Variants in SORT1 observed in about 807,000 individuals in gnomAD.
The protein encoded by SORT1 is sortilin.
A neutral mutation model predicts 101.7 loss-of-function variants in SORT1; 39 were observed. That is an observed-to-expected ratio of 0.38 (90% CI 0.30 to 0.50). The LOEUF is 0.50. SORT1 is among the 20% of genes least tolerant of loss of function. SORT1 has a pLI of 0.90. For synonymous variants in SORT1, 396 were observed against 393.7 expected (o/e 1.01, Z -0.07); for missense variants, 878 against 1,040.4 (o/e 0.84, Z 2.15).
chr1:109,350,734 C>G, intron 6 of SORT1, among the ~76,000 whole-genome samples, 195 bp downstream of exon 6: 1 of 152,194 alleles, frequency 6.6e-6, no homozygotes, highest in South Asian at 2.1e-4. Flanking sequence ...TTAAGTGAGA[C>G]TAAGTCTTCT....
At chr1:109,397,441 C>T (rs1229747698) in intron 1 of SORT1, 146 bp downstream of exon 1, 45 of 448,760 alleles carry the variant, frequency 1.0e-4, no homozygotes, top group Non-Finnish European at 1.3e-4. Context: ...GCCCGCCCGC[C>T]CGCCGCAGTT....
chr1:109,356,253 C>T (rs1353579454), intron 3 of SORT1, among the ~76,000 whole-genome samples: 1 of 152,184 alleles, frequency 6.6e-6, no homozygotes, highest in Non-Finnish European at 1.5e-5. Context: ...TGTTGCCAAA[C>T]ATCCTACAAG....
At chr1:109,350,850 A>G in intron 6 of SORT1, 79 bp downstream of exon 6, 2 of 949,210 alleles carry the variant, frequency 2.1e-6, no homozygotes, top group African/African-American at 1.6e-5. Flanking sequence ...TAAGTGCTCA[A>G]TATTTATTCA....
intron 1 of SORT1, among the ~76,000 whole-genome samples, chr1:109,389,020 C>A (rs572826858): frequency 6.6e-6 from 1 of 152,354 alleles, no homozygotes; most frequent in African/African-American, 2.4e-5. Context: ...CCACCCAAGC[C>A]TGTCATCCAA....
In SORT1 at chr1:109,376,065, G is replaced by A. The variant is rs191827647; in HGVS notation, c.307-6476C>T. Among the ~76,000 whole-genome samples, 6 of 152,288 alleles carry A rather than the reference G, an allele frequency of 3.9e-5. No individual in the cohort carries two copies. The East Asian group carries it at 7.7e-4, about 20-fold the overall frequency. On this transcript the variant is annotated intron_variant, in intron 1 of 19. Transcript: ENST00000256637. Reference sequence around the variant, plus strand: ...GATTTCTCAAAGAACTTAAAGGGCCGGGCGTGGTGGCTCACGCTTGTAATC... The same window carrying A: ...GATTTCTCAAAGAACTTAAAGGGCCAGGCGTGGTGGCTCACGCTTGTAATC...
chr1:109,367,695 A>C (rs1436791604), intron 2 of SORT1, among the ~76,000 whole-genome samples: 1 of 152,244 alleles, frequency 6.6e-6, no homozygotes, highest in Non-Finnish European at 1.5e-5. Context: ...CCATTGAAGC[A>C]GTGAGGCTGA....
chr1:109,336,167 A>C lies in SORT1; in HGVS notation c.1371+73T>G, dbSNP rs1433272177. ...CCCTAATCAAGTATGAAACTTCATC[A>C]TCCAAAAGGCTGGCACTGATCAGAG... On this transcript the variant is annotated intron_variant, in intron 11 of 19. Transcript: ENST00000256637. 33 of 897,576 alleles carry C rather than the reference A, an allele frequency of 3.7e-5. 1 individual carries two copies. Among genetic ancestry groups the C allele is most frequent in the Admixed American group, 5.7e-5 (3 of 52,482 alleles). 55.6% of individuals were successfully genotyped at this position (897,576 alleles called of 1,614,324 possible).
chr1:109,330,341 A>C (rs1222150637), intron 11 of SORT1, among the ~76,000 whole-genome samples: 1 of 152,208 alleles, frequency 6.6e-6, no homozygotes, highest in Non-Finnish European at 1.5e-5. Context: ...CAGTAAAGGG[A>C]GGAAAATTGG....
chr1:109,375,333 C>T (rs1258228333), intron 1 of SORT1, among the ~76,000 whole-genome samples: 2 of 151,876 alleles, frequency 1.3e-5, no homozygotes, highest in African/African-American at 4.8e-5. Flanking sequence ...GAGGCCAAGG[C>T]GGGCAGATCA....
intron 1 of SORT1, among the ~76,000 whole-genome samples, chr1:109,373,285 C>T (rs1000246977): frequency 2.0e-5 from 3 of 152,142 alleles, no homozygotes; most frequent in African/African-American, 7.2e-5. Context: ...AGAGAGGAAG[C>T]TGATATATCG....
intron 1 of SORT1, among the ~76,000 whole-genome samples, chr1:109,382,674 A>G (rs1304195543): frequency 1.3e-5 from 2 of 152,180 alleles, no homozygotes; most frequent in Non-Finnish European, 2.9e-5. Context: ...GATGGTACCA[A>G]CAGCCATCTA....
chr1:109,329,917 T>A (rs1648346318), intron 11 of SORT1, among the ~76,000 whole-genome samples: 1 of 152,198 alleles, frequency 6.6e-6, no homozygotes, highest in Non-Finnish European at 1.5e-5. Context: ...TCTTTTCAAG[T>A]GCACAGAGAA....
Position 109,340,761 on chromosome 1 carries a change from G to A in SORT1, c.1227C>T (p.Ser409=), listed in dbSNP as rs746387781. The A allele has an allele frequency of 1.6e-4, 264 of 1,614,020 alleles. No individual in the cohort carries two copies. In the Middle Eastern group the frequency reaches 1.8e-3, roughly 11 times the overall value. ...CGCTTGTTATGTAGACGCCGCGGAG[G>A]GAGGTCACGTTGGTAAAGTCCGTCT... ...GGETDFTNVT[S]LRGVYITSVL... is the part of the protein sequence containing the mutation. The change falls in exon 10 of 20, where the codon TCC becomes TCT. Residue 409 remains serine (S), a synonymous_variant. Coordinates refer to ENST00000256637, the MANE Select transcript of SORT1 (RefSeq NM_002959.7).
intron 6 of SORT1, among the ~76,000 whole-genome samples, chr1:109,350,101 C>T (rs535621521): frequency 7.9e-5 from 12 of 152,280 alleles, no homozygotes; most frequent in Admixed American, 1.3e-4. Flanking sequence ...AATGCTGTTA[C>T]GTGCTTATTG....
chr1:109,351,172 T>A (rs1053615393), intron 5 of SORT1, among the ~76,000 whole-genome samples, 170 bp from the exon 6 acceptor site: 2 of 152,168 alleles, frequency 1.3e-5, no homozygotes, highest in African/African-American at 4.8e-5. Flanking sequence ...TGGGCCCTTT[T>A]GGGGTCTTGG....
chr1:109,315,420 ACT>A (rs1177139682), intron 17 of SORT1, among the ~76,000 whole-genome samples: 2 of 151,922 alleles, frequency 1.3e-5, no homozygotes, highest in Non-Finnish European at 2.9e-5. Context: ...ACACACGAAC[ACT>A]CTGAGGAGAG....
rs905022777 is a variant in SORT1 at position 109,313,919 on chromosome 1, G to A, written c.*124C>T. 1 of 849,048 alleles carries A rather than the reference G, an allele frequency of 1.2e-6. No homozygotes were observed. The highest frequency in any genetic ancestry group is 2.6e-5 in the Admixed American group (1 of 39,214). The allele number at this position is 849,048 out of a possible 1,614,324, so 52.6% of individuals were successfully genotyped here. ...AGTGTAGGTCCTTTTGGCTTTGATGGAAGCAGCAGAAACAGAGCTGGGTCC... is the reference window on the plus strand; with the variant it reads ...AGTGTAGGTCCTTTTGGCTTTGATGAAAGCAGCAGAAACAGAGCTGGGTCC... On this transcript the variant is annotated 3_prime_UTR_variant, in exon 20 of 20. Coordinates refer to ENST00000256637, the MANE Select transcript of SORT1 (RefSeq NM_002959.7).
In SORT1 at chr1:109,342,165, C is replaced by A; in HGVS notation, c.964-7G>T. The A allele has an allele frequency of 1.9e-6, 3 of 1,602,448 alleles. No homozygotes were observed. The highest frequency in any genetic ancestry group is 2.6e-6 in the Non-Finnish European group (3 of 1,172,096). On this transcript the variant is annotated splice_region_variant and splice_polypyrimidine_tract_variant and intron_variant, in intron 8 of 19. Transcript: ENST00000256637. ...GGATCCTTCTTGTTGTATCCTAGAA[C>A]AGATGTCAATATTTATCTTTCTAAT...
At chr1:109,367,316 C>T in intron 3 of SORT1, 92 bp downstream of exon 3, 1 of 712,782 alleles carries the variant, frequency 1.4e-6, no homozygotes, top group Non-Finnish European at 2.4e-6. Flanking sequence ...TCTTTTACAT[C>T]AACTGTTACG....
Sources: allele counts gnomAD v4.1 joint callset (sites outside exome capture counted in the v4.1 genomes callset), GRCh38; gene constraint gnomAD v4.1.1; transcripts MANE v1.5; gene names NCBI Gene and HGNC (gene_info 2026-07-23, HGNC 2026-07-21).